Variants in SYTL5 observed in about 807,000 individuals in gnomAD.
SYTL5 encodes synaptotagmin like 5.
Under a neutral mutation model 55.9 loss-of-function variants are expected in SYTL5, and 34 were observed. The observed-to-expected ratio is 0.61, with a 90% confidence interval of 0.46 to 0.81. The LOEUF (loss-of-function observed/expected upper bound fraction) is 0.81, where lower values mean the gene tolerates loss of function less well. Ranked by LOEUF, SYTL5 falls within the 30% of genes least tolerant of loss-of-function variation. The pLI is 0.00. For synonymous variants in SYTL5, 221 were observed against 188.7 expected (o/e 1.17, Z -1.40); for missense variants, 637 against 546.7 (o/e 1.17, Z -1.65).
rs773713237 is a variant in SYTL5 at position 38,053,569 on chromosome X, G to T, written c.120-644G>T. Among the ~76,000 whole-genome samples, 4 of 112,168 alleles carry T rather than the reference G, an allele frequency of 3.6e-5. No individual in the cohort carries two copies. In the South Asian group the frequency reaches 1.5e-3, roughly 42 times the overall value. ...AGCAGAAGCTTTTCGATGTGAAATG[G>T]TAGGCAGTCTACAGCCATACCACTC... On this transcript the variant is annotated intron_variant, in intron 2 of 16. Coordinates refer to ENST00000297875, the MANE Select transcript of SYTL5 (RefSeq NM_138780.3).
At chrX:37,964,653 T>C in the SYTL5 span, among the ~76,000 whole-genome samples, 4 of 111,706 alleles carry the variant, frequency 3.6e-5, no homozygotes, top group African/African-American at 1.3e-4. Context: ...CAGAAGACTT[T>C]GAGAATTATT....
chrX:37,909,180 C>T, the SYTL5 span, among the ~76,000 whole-genome samples: 247 of 111,647 alleles, frequency 2.2e-3, no homozygotes, highest in Middle Eastern at 0.014. Flanking sequence ...AAAGTTGAAG[C>T]ATGAAAAGAG....
chrX:37,946,974 T>A, the SYTL5 span, among the ~76,000 whole-genome samples: 1 of 111,013 alleles, frequency 9.0e-6, no homozygotes, highest in Non-Finnish European at 1.9e-5. Context: ...AATACATGGA[T>A]AATAAGTATT....
intron 13 of SYTL5, among the ~76,000 whole-genome samples, chrX:38,115,260 G>A (rs960319126): frequency 2.2e-4 from 23 of 102,797 alleles, no homozygotes; most frequent in South Asian, 1.6e-3. Context: ...CGAGGCGGGC[G>A]GATCACGAGG....
At chrX:37,892,521 A>G in the SYTL5 span, among the ~76,000 whole-genome samples, 1 of 99,372 alleles carries the variant, frequency 1.0e-5, no homozygotes, top group African/African-American at 3.6e-5. Context: ...TGTTATATAT[A>G]CATATATAGT....
chrX:37,935,061 A>T, the SYTL5 span, among the ~76,000 whole-genome samples: 1 of 112,488 alleles, frequency 8.9e-6, no homozygotes, highest in Admixed American at 9.4e-5. Flanking sequence ...GACAAACAAT[A>T]ATCAAACTGT....
chrX:37,935,688 AAG>A, the SYTL5 span, among the ~76,000 whole-genome samples: 1 of 112,216 alleles, frequency 8.9e-6, no homozygotes, highest in African/African-American at 3.2e-5. Flanking sequence ...AGTTTGTTTT[AAG>A]TTAAGATGTT....
the SYTL5 span, among the ~76,000 whole-genome samples, chrX:37,923,746 A>G: frequency 1.8e-5 from 2 of 111,030 alleles, no homozygotes; most frequent in African/African-American, 3.3e-5. Flanking sequence ...CTTAGTCAAT[A>G]TTGTGAATTT....
In SYTL5 at chrX:38,054,197, T is replaced by TC. The variant is rs778757702; in HGVS notation, c.120-12dup. On this transcript the variant is annotated splice_polypyrimidine_tract_variant and intron_variant, in intron 2 of 16. Transcript: ENST00000297875. ...GTTTGTTTTTTTAAGTGATTTTTTTTCCCCTCTTCTTTCAGGAAGCTGAAA... is the reference window on the plus strand; with the variant it reads ...GTTTGTTTTTTTAAGTGATTTTTTTTCCCCCTCTTCTTTCAGGAAGCTGAAA... 2.6e-6 allele frequency: 3 copies of TC among 1,172,022 alleles called. No homozygotes were observed. In the East Asian group the frequency reaches 9.0e-5, roughly 35 times the overall value.
intron 13 of SYTL5, among the ~76,000 whole-genome samples, chrX:38,117,323 C>T (rs759041952): frequency 2.7e-5 from 3 of 111,779 alleles, no homozygotes; most frequent in South Asian, 7.6e-4. Context: ...TATATTTATA[C>T]GGGGTCTACA....
the SYTL5 span, among the ~76,000 whole-genome samples, chrX:37,919,929 G>A: frequency 8.1e-5 from 9 of 111,731 alleles, no homozygotes; most frequent in East Asian, 1.1e-3. Flanking sequence ...AGTATACCTC[G>A]TATCTGTATA....
At chrX:37,951,422 TACTC>T in the SYTL5 span, among the ~76,000 whole-genome samples, 2 of 111,675 alleles carry the variant, frequency 1.8e-5, no homozygotes, top group Non-Finnish European at 3.8e-5. Flanking sequence ...TTCATTCATT[TACTC>T]ACTAAGTATT....
the SYTL5 span, among the ~76,000 whole-genome samples, chrX:37,961,661 C>A: frequency 8.9e-6 from 1 of 111,852 alleles, no homozygotes. Flanking sequence ...AATTTACATG[C>A]TTTGCATAAT....
At chrX:37,922,691 G>A in the SYTL5 span, among the ~76,000 whole-genome samples, 5 of 111,140 alleles carry the variant, frequency 4.5e-5, no homozygotes, top group African/African-American at 6.5e-5. Flanking sequence ...TTGGTGGAGG[G>A]GCTGCATTAC....
intron 3 of SYTL5, among the ~76,000 whole-genome samples, chrX:38,060,885 C>T (rs932528865): frequency 1.1e-4 from 12 of 111,477 alleles, no homozygotes; most frequent in African/African-American, 3.9e-4. Context: ...ATTGGTGTAA[C>T]AATAATTTAA....
intron 2 of SYTL5, among the ~76,000 whole-genome samples, chrX:38,044,395 T>C (rs1324476532): frequency 8.9e-6 from 1 of 112,152 alleles, no homozygotes; most frequent in Non-Finnish European, 1.9e-5. Context: ...ACATTTAAAA[T>C]AATTTAGTTT....
At chrX:37,941,879 G>T in the SYTL5 span, among the ~76,000 whole-genome samples, 1 of 93,899 alleles carries the variant, frequency 1.1e-5, no homozygotes, top group Admixed American at 1.3e-4. Context: ...ACCCACGGAA[G>T]TCAATTACTT....
the SYTL5 span, among the ~76,000 whole-genome samples, chrX:37,965,115 TCA>T: frequency 9.0e-6 from 1 of 111,491 alleles, no homozygotes; most frequent in South Asian, 3.8e-4. Context: ...AACATTTGTC[TCA>T]GTTTATTCTT....
At chrX:38,108,120 C>T (rs752360903) in intron 11 of SYTL5, among the ~76,000 whole-genome samples, 1 of 112,187 alleles carries the variant, frequency 8.9e-6, no homozygotes, top group Admixed American at 9.4e-5. Flanking sequence ...GAAGGCAAGA[C>T]TAGTAATAGA....
Sources: allele counts gnomAD v4.1 joint callset (sites outside exome capture counted in the v4.1 genomes callset), GRCh38; gene constraint gnomAD v4.1.1; transcripts MANE v1.5; gene names NCBI Gene and HGNC (gene_info 2026-07-23, HGNC 2026-07-21).